Variants in KLHL3 observed in about 807,000 individuals in gnomAD.
KLHL3 encodes kelch-like protein 3.
A neutral mutation model predicts 70.5 loss-of-function variants in KLHL3; 19 were observed. The observed-to-expected ratio is 0.27, with a 90% CI of 0.19 to 0.40. The LOEUF (loss-of-function observed/expected upper bound fraction) is 0.40. Among genes scored for constraint, KLHL3 ranks in the 10% least tolerant of loss-of-function variants. KLHL3 has a pLI of 1.00. For synonymous variants in KLHL3, 258 were observed against 290.3 expected (o/e 0.89, Z 1.13); for missense variants, 512 against 771.1 (o/e 0.66, Z 3.98).
At chr5:137,671,824 A>G (rs1281616943) in intron 6 of KLHL3, 1 of 152,300 alleles carries the variant, frequency 6.6e-6, no homozygotes, top group East Asian at 1.9e-4. Context: ...GGGAGTAGTA[A>G]CTGGAAGGGG....
At chr5:137,646,436 G>A (rs1312960590) in intron 8 of KLHL3, among the ~76,000 whole-genome samples, 1 of 152,216 alleles carries the variant, frequency 6.6e-6, no homozygotes, top group Admixed American at 6.5e-5. Flanking sequence ...ACCCACTACT[G>A]TGTTGATCAT....
chr5:137,641,212 G>C (rs1377101940), intron 8 of KLHL3, among the ~76,000 whole-genome samples: 1 of 152,234 alleles, frequency 6.6e-6, no homozygotes, highest in Non-Finnish European at 1.5e-5. Flanking sequence ...CTTGAGTGGA[G>C]AGAAAGGGTG....
intron 7 of KLHL3, 145 bp from the exon 8 acceptor site, chr5:137,658,425 T>C (rs1751396835): frequency 1.3e-6 from 1 of 776,526 alleles, no homozygotes; most frequent in Admixed American, 2.3e-5. Flanking sequence ...TACAACTTAC[T>C]GCTCACCTCC....
intron 8 of KLHL3, among the ~76,000 whole-genome samples, chr5:137,646,095 C>A (rs993165168): frequency 7.9e-5 from 12 of 152,010 alleles, no homozygotes; most frequent in South Asian, 4.2e-4. Context: ...AACAGAAAAA[C>A]AGATAATCTG....
intron 6 of KLHL3, among the ~76,000 whole-genome samples, chr5:137,666,948 A>G (rs1751629006): frequency 6.6e-6 from 1 of 152,174 alleles, no homozygotes; most frequent in Non-Finnish European, 1.5e-5. Context: ...TCCCAGAACT[A>G]AAAAGAAGCA....
At chr5:137,679,172 C>A (rs770775922) in intron 5 of KLHL3, among the ~76,000 whole-genome samples, 1 of 149,016 alleles carries the variant, frequency 6.7e-6, no homozygotes, top group Non-Finnish European at 1.5e-5. Context: ...AGAATTTATT[C>A]TTGGGCTGGA....
intron 6 of KLHL3, among the ~76,000 whole-genome samples, chr5:137,666,364 C>A (rs947450673): frequency 1.7e-4 from 26 of 152,200 alleles, no homozygotes; most frequent in African/African-American, 6.0e-4. Context: ...AGCCACACCT[C>A]TTTCTACTTC....
chr5:137,656,950 C>T (rs1332434867), intron 8 of KLHL3, among the ~76,000 whole-genome samples: 5 of 152,224 alleles, frequency 3.3e-5, no homozygotes, highest in African/African-American at 7.2e-5. Flanking sequence ...ACTATCTCTA[C>T]CTTGTAGTGT....
At chr5:137,708,014 A>G (rs1752718384) in intron 3 of KLHL3, among the ~76,000 whole-genome samples, 1 of 152,138 alleles carries the variant, frequency 6.6e-6, no homozygotes, top group African/African-American at 2.4e-5. Flanking sequence ...CTATTTTAAA[A>G]TAGAGATTGA....
chr5:137,662,343 C>A (rs1386683909), intron 6 of KLHL3, among the ~76,000 whole-genome samples: 1 of 151,286 alleles, frequency 6.6e-6, no homozygotes, highest in Non-Finnish European at 1.5e-5. Flanking sequence ...AAATAAAAAC[C>A]AGTTCCAATA....
intron 8 of KLHL3, among the ~76,000 whole-genome samples, chr5:137,646,776 C>T (rs1237353474): frequency 1.3e-5 from 2 of 152,288 alleles, no homozygotes; most frequent in South Asian, 2.1e-4. Flanking sequence ...ATTACTCAAT[C>T]AAATCAGCTT....
chr5:137,717,300 T>A (rs529861459), intron 2 of KLHL3, among the ~76,000 whole-genome samples: 53 of 152,352 alleles, frequency 3.5e-4, no homozygotes, highest in African/African-American at 1.2e-3. Context: ...TTACAAAATC[T>A]GTAAGTTCTA....
chr5:137,710,119 T>TC (rs1203971982), intron 2 of KLHL3, among the ~76,000 whole-genome samples: 2 of 152,174 alleles, frequency 1.3e-5, no homozygotes, highest in African/African-American at 4.8e-5. Flanking sequence ...GCTTCATTTG[T>TC]CTTCACCTCT....
intron 3 of KLHL3, among the ~76,000 whole-genome samples, chr5:137,701,487 A>C (rs968467056): frequency 6.6e-6 from 1 of 152,222 alleles, no homozygotes; most frequent in Admixed American, 6.5e-5. Context: ...AACCTTAATA[A>C]AAGTATTCCC....
intron 14 of KLHL3, among the ~76,000 whole-genome samples, chr5:137,624,424 T>C (rs970559546): frequency 6.6e-6 from 1 of 152,148 alleles, no homozygotes; most frequent in Admixed American, 6.5e-5. Flanking sequence ...CAGAACAGAA[T>C]TACTCCAGGA....
At chr5:137,655,446 G>A (rs959007767) in intron 8 of KLHL3, among the ~76,000 whole-genome samples, 12 of 152,128 alleles carry the variant, frequency 7.9e-5, no homozygotes, top group African/African-American at 2.4e-4. Flanking sequence ...AAATTATAAA[G>A]GTACTTGAAG....
At chr5:137,669,797 G>C (rs992311864) in intron 6 of KLHL3, among the ~76,000 whole-genome samples, 6 of 152,158 alleles carry the variant, frequency 3.9e-5, no homozygotes, top group African/African-American at 1.4e-4. Context: ...ATAAAGATTT[G>C]AGCCATACGC....
rs79879772 is a variant in KLHL3, at chr5:137,730,665, T to C, written c.14+4968A>G. Among the ~76,000 whole-genome samples, 435 of 152,336 alleles carry C rather than the reference T, an allele frequency of 2.9e-3. 1 individual carries two copies. Among genetic ancestry groups the C allele is most frequent in the African/African-American group, 0.01 (422 of 41,566 alleles). On this transcript the variant is annotated intron_variant, in intron 1 of 14. Transcript: ENST00000309755. ...GGCTGTGTAAAAATGTAAAACATTT[T>C]ACACAGACAGATAGAATTAGACAAG... is the stretch of plus-strand genomic sequence containing the variant.
chr5:137,662,226 TCA>T (rs1399698289), intron 6 of KLHL3, among the ~76,000 whole-genome samples, 195 bp from the exon 7 acceptor site: 6 of 139,680 alleles, frequency 4.3e-5, no homozygotes, highest in African/African-American at 2.7e-5. Flanking sequence ...CAGAGAGTGA[TCA>T]CACACACACT....
Sources: gnomAD v4.1 joint callset for allele counts (sites outside exome capture counted in the v4.1 genomes callset) on GRCh38, gnomAD v4.1.1 for gene constraint, MANE v1.5 for transcripts, NCBI Gene and HGNC (gene_info 2026-07-23, HGNC 2026-07-21) for gene names.